The following ZFHX4 variants were observed in gnomAD, a reference collection of about 807,000 sequenced individuals.
ZFHX4 encodes the protein zinc finger homeobox protein 4.
Under a neutral mutation model 267.6 loss-of-function variants are expected in ZFHX4, and 56 were observed. That is an observed-to-expected ratio of 0.21 (90% CI 0.17 to 0.26). The LOEUF (loss-of-function observed/expected upper bound fraction) is 0.26. ZFHX4 is among the 10% of genes least tolerant of loss of function. The probability of loss-of-function intolerance (pLI) is 1.00; values close to 1 mark genes in which losing one functional copy is unlikely to be tolerated. For missense variants in ZFHX4, 4,332 were observed against 4,420.0 expected, an observed-to-expected ratio of 0.98 and a Z score of 0.56; for synonymous variants, 1,778 against 1,665.6, an observed-to-expected ratio of 1.07 and a Z score of -1.64.
In ZFHX4 at chr8:76,863,130, C is replaced by G; in HGVS notation, c.9416C>G (p.Pro3139Arg). The change falls in exon 11 of 11, where the codon CCT (proline) becomes CGT (arginine). Residue 3139 changes from proline to arginine, a missense_variant. Around this residue, in one of 7 missense-constraint regions of ZFHX4, gnomAD observed 1,648 missense variants for 1,625.0 expected, o/e 1.01. Coordinates refer to ENST00000651372, the MANE Select transcript of ZFHX4 (RefSeq NM_024721.5). ...TPPGAGMLGF[P>R]TSATSSPALS... ...CCCGGTGCAGGCATGCTTGGGTTTC[C>G]TACTTCAGCTACTTCGTCTCCTGCC... is the stretch of plus-strand genomic sequence containing the variant. 6.5e-7 allele frequency: 1 copy of G among 1,535,122 alleles called. No homozygotes were observed. The highest frequency in any genetic ancestry group is 8.8e-7 in the Non-Finnish European group (1 of 1,140,140).
Position 76,856,262 on chromosome 8 carries a change from G to A in ZFHX4, c.9341G>A (p.Gly3114Asp), listed in dbSNP as rs142555710. ...CCAGTCCTTCTCCCCGGAATGAACG[G>A]TCCATCCTCCTTGCCGGGATTTCCA... ...LPPVLLPGMN[G>D]PSSLPGFPQN... is the part of the protein sequence containing the mutation. Residue 3114 changes from glycine to aspartate, a missense_variant, in exon 10 of 11, where the codon GGT becomes GAT. Gly to Asp is a moderately conservative substitution (Grantham distance 94). Around this residue, in one of 7 missense-constraint regions of ZFHX4, gnomAD observed 1,648 missense variants for 1,625.0 expected, o/e 1.01. Coordinates refer to ENST00000651372, the MANE Select transcript of ZFHX4 (RefSeq NM_024721.5). 22,849 of 1,613,836 alleles carry A rather than the reference G, an allele frequency of 0.014. 195 individuals are homozygous for A. The highest frequency in any genetic ancestry group is 0.016 in the Non-Finnish European group (19,341 of 1,179,832).
chr8:76,707,409 T>C (rs578059773), intron 2 of ZFHX4, 137 bp from the exon 3 acceptor site: 8 of 774,586 alleles, frequency 1.0e-5, no homozygotes, highest in Non-Finnish European at 1.4e-5. Flanking sequence ...TTGATCCTGA[T>C]TGAATCCTAT....
chr8:76,863,902 T>G lies in ZFHX4; in HGVS notation c.10188T>G (p.Val3396=). Reference sequence around the variant, plus strand: ...CAGACTTTTCAGACACTTACGTTGTTCCATTCGTCAAGTATGAGTTTATAT... The same window carrying G: ...CAGACTTTTCAGACACTTACGTTGTGCCATTCGTCAAGTATGAGTTTATAT... ...KSADFSDTYV[V]PFVKYEFICR... The change falls in exon 11 of 11, where the codon GTT becomes GTG. Residue 3396 remains valine (V), a synonymous_variant. Coordinates refer to ENST00000651372, the MANE Select transcript of ZFHX4 (RefSeq NM_024721.5). 6.3e-7 allele frequency: 1 copy of G among 1,579,796 alleles called. No homozygotes were observed.
At chr8:76,727,172 A>G (rs1417389714) in intron 3 of ZFHX4, among the ~76,000 whole-genome samples, 1 of 152,110 alleles carries the variant, frequency 6.6e-6, no homozygotes, top group African/African-American at 2.4e-5. Context: ...ATCTACTGAG[A>G]GTGACAGGCA....
Position 76,705,288 on chromosome 8 carries a change from A to T in ZFHX4, c.1200A>T (p.Gln400His). 1 of 1,614,020 alleles carries T rather than the reference A, an allele frequency of 6.2e-7. No homozygotes were observed. Among genetic ancestry groups the T allele is most frequent in the Non-Finnish European group, 8.5e-7 (1 of 1,179,894 alleles). The change falls in exon 2 of 11, where the codon CAA becomes CAT. Residue 400 changes from glutamine (Q) to histidine (H), a missense_variant. By Grantham distance (24) the Gln-to-His change is conservative (BLOSUM62 0). Coordinates refer to ENST00000651372, the MANE Select transcript of ZFHX4 (RefSeq NM_024721.5). ...CAGAGCAGCCGCTGGGGATTACCCA[A>T]ATGCCAAAGGCTGAAGTGAATCTGG... ...SSAEQPLGIT[Q>H]MPKAEVNLGG...
At chr8:76,797,252 T>C (rs1811002832) in intron 4 of ZFHX4, among the ~76,000 whole-genome samples, 1 of 152,224 alleles carries the variant, frequency 6.6e-6, no homozygotes, top group East Asian at 1.9e-4. Flanking sequence ...GATATGACTT[T>C]TTTCCAGAGA....
At chr8:76,823,388 A>G (rs1393007844) in intron 4 of ZFHX4, among the ~76,000 whole-genome samples, 3 of 152,186 alleles carry the variant, frequency 2.0e-5, no homozygotes, top group African/African-American at 7.2e-5. Flanking sequence ...TTTGCTCATT[A>G]ATGAATGATT....
chr8:76,826,725 C>G, intron 4 of ZFHX4, among the ~76,000 whole-genome samples: 1 of 152,038 alleles, frequency 6.6e-6, no homozygotes, highest in East Asian at 1.9e-4. Context: ...GAGTTATAAA[C>G]AAGGGACATA....
intron 3 of ZFHX4, among the ~76,000 whole-genome samples, chr8:76,733,735 C>T (rs1809082804): frequency 1.3e-5 from 2 of 152,104 alleles, no homozygotes; most frequent in African/African-American, 2.4e-5. Context: ...TGATAAAAGT[C>T]AGTCTTCCAA....
chr8:76,761,604 G>A (rs1426273905), intron 3 of ZFHX4, among the ~76,000 whole-genome samples: 1 of 152,082 alleles, frequency 6.6e-6, no homozygotes, highest in African/African-American at 2.4e-5. Context: ...AGTAAGGGAG[G>A]AATGTAAAAA....
chr8:76,699,405 A>G (rs114620957), intron 1 of ZFHX4, among the ~76,000 whole-genome samples: 1 of 152,250 alleles, frequency 6.6e-6, no homozygotes, highest in African/African-American at 2.4e-5. Context: ...AAGTTACACA[A>G]TCTTTCATGA....
Position 76,778,218 on chromosome 8 carries a change from A to C in ZFHX4, c.3104A>C (p.Lys1035Thr), listed in dbSNP as rs1375014568. Residue 1035 changes from lysine (K) to threonine (T), a missense_variant, in exon 4 of 11, where the codon AAG becomes ACG. Coordinates refer to ENST00000651372, the MANE Select transcript of ZFHX4 (RefSeq NM_024721.5). ...AALKLYKHLQKQEGAVNPESC... is the reference protein window; with the variant it reads ...AALKLYKHLQTQEGAVNPESC... ...TTCCCTTCCTTTCAGCACTTGCAGA[A>C]GCAAGAGGGTGCAGTGAATCCCGAA... The C allele has an allele frequency of 6.8e-6, 11 of 1,610,694 alleles. No individual in the cohort carries two copies. The highest frequency in any genetic ancestry group is 9.3e-6 in the Non-Finnish European group (11 of 1,177,080).
chr8:76,838,316 G>T (rs1001509313), intron 5 of ZFHX4, among the ~76,000 whole-genome samples: 1 of 152,166 alleles, frequency 6.6e-6, no homozygotes, highest in Non-Finnish European at 1.5e-5. Context: ...TCTATTGGGT[G>T]AATGTGACAC....
At chr8:76,765,496 T>G (rs746569509) in intron 3 of ZFHX4, among the ~76,000 whole-genome samples, 4 of 152,156 alleles carry the variant, frequency 2.6e-5, no homozygotes. Context: ...TAGGTTAATA[T>G]ATATTGAATG....
At chr8:76,783,031 C>A (rs1810592688) in intron 4 of ZFHX4, among the ~76,000 whole-genome samples, 1 of 151,996 alleles carries the variant, frequency 6.6e-6, no homozygotes, top group South Asian at 2.1e-4. Flanking sequence ...ATAGAAAGGT[C>A]TCTTATTCCT....
intron 1 of ZFHX4, among the ~76,000 whole-genome samples, chr8:76,693,057 T>C (rs1807863497): frequency 6.6e-6 from 1 of 152,192 alleles, no homozygotes; most frequent in Non-Finnish European, 1.5e-5. Context: ...GATGCTTGTT[T>C]AAGTGTCTCC....
intron 1 of ZFHX4, among the ~76,000 whole-genome samples, chr8:76,685,629 T>A (rs1807674220): frequency 6.6e-6 from 1 of 152,260 alleles, no homozygotes; most frequent in Non-Finnish European, 1.5e-5. Flanking sequence ...CAAAATCAAT[T>A]GAAGCTTCTT....
At position 76,704,525 on chromosome 8, in the gene ZFHX4, A is replaced by T. The variant is rs1386254149; in HGVS notation, c.437A>T (p.Lys146Ile). 3.1e-6 allele frequency: 5 copies of T among 1,613,862 alleles called. No individual in the cohort carries two copies. In the East Asian group the frequency reaches 1.1e-4, roughly 36 times the overall value. Reference sequence around the variant, plus strand: ...TCAGCATATATAATTGAGGACTCCAAAGAAAGTGGGCAGAATGCACAGACT... The same window carrying T: ...TCAGCATATATAATTGAGGACTCCATAGAAAGTGGGCAGAATGCACAGACT... The part of the protein sequence containing the change: ...DGSAYIIEDS[K>I]ESGQNAQTGA... The change falls in exon 2 of 11, where the codon AAA becomes ATA. Residue 146 changes from lysine to isoleucine, a missense_variant. Coordinates refer to ENST00000651372, the MANE Select transcript of ZFHX4 (RefSeq NM_024721.5).
intron 3 of ZFHX4, chr8:76,733,364 C>G (rs1309603918): frequency 6.6e-6 from 1 of 152,334 alleles, no homozygotes; most frequent in Admixed American, 6.5e-5. Context: ...TAGACCTGAT[C>G]CCCCACGTCT....
Sources: allele counts gnomAD v4.1 joint callset (sites outside exome capture counted in the v4.1 genomes callset), GRCh38; gene constraint gnomAD v4.1.1; regional missense constraint gnomAD v4.1.1; transcripts MANE v1.5; gene names NCBI Gene and HGNC (gene_info 2026-07-23, HGNC 2026-07-21).